The following ZFAT variants were observed in gnomAD, a reference collection of about 807,000 sequenced individuals.
ZFAT encodes zinc finger protein ZFAT.
A neutral mutation model predicts 117.7 loss-of-function variants in ZFAT; 64 were observed. That is an observed-to-expected ratio of 0.54 (90% confidence interval 0.44 to 0.67). The LOEUF is 0.67. Ranked by LOEUF, ZFAT falls within the 30% of genes least tolerant of loss-of-function variation. The pLI is 0.00. For missense variants in ZFAT, 1,433 were observed against 1,584.5 expected (o/e 0.90, Z 1.62); for synonymous variants, 679 against 615.0 (o/e 1.10, Z -1.54).
chr8:134,824,935 T>C, the ZFAT span, among the ~76,000 whole-genome samples: 2 of 152,236 alleles, frequency 1.3e-5, no homozygotes, highest in Admixed American at 6.5e-5. Flanking sequence ...AGGCATAGAA[T>C]GTAACTGGCA....
At chr8:134,727,771 G>T in the ZFAT span, among the ~76,000 whole-genome samples, 276 of 152,176 alleles carry the variant, frequency 1.8e-3, 1 homozygote, top group African/African-American at 6.2e-3. Context: ...ACTCCACTCT[G>T]CCCCATGAAA....
intron 3 of ZFAT, among the ~76,000 whole-genome samples, chr8:134,615,176 G>C (rs549805567): frequency 6.6e-6 from 1 of 152,062 alleles, no homozygotes; most frequent in Non-Finnish European, 1.5e-5. Flanking sequence ...CTCTGGCAGC[G>C]GCTAAGGTGG....
intron 11 of ZFAT, among the ~76,000 whole-genome samples, chr8:134,561,785 T>C (rs1402376202): frequency 1.3e-5 from 2 of 152,196 alleles, no homozygotes; most frequent in African/African-American, 2.4e-5. Flanking sequence ...ACTTGATTTC[T>C]TAGTAATGTT....
intron 1 of ZFAT, among the ~76,000 whole-genome samples, chr8:134,682,414 G>A (rs560695980): frequency 1.3e-5 from 2 of 152,342 alleles, no homozygotes; most frequent in African/African-American, 4.8e-5. Flanking sequence ...CCAGCACTTT[G>A]GGAGGCTGAG....
the ZFAT span, among the ~76,000 whole-genome samples, chr8:134,788,182 C>T: frequency 7.2e-5 from 11 of 152,042 alleles, no homozygotes; most frequent in Non-Finnish European, 1.2e-4. Flanking sequence ...TTTATTATTT[C>T]GTTGCTCTTC....
chr8:134,604,019 T>C (rs1330347733), intron 5 of ZFAT, among the ~76,000 whole-genome samples: 1 of 152,228 alleles, frequency 6.6e-6, no homozygotes, highest in Non-Finnish European at 1.5e-5. Context: ...CACCTGCCAA[T>C]GTGTTTCAGA....
At chr8:134,816,482 G>GAAA in the ZFAT span, among the ~76,000 whole-genome samples, 11 of 130,494 alleles carry the variant, frequency 8.4e-5, no homozygotes, top group South Asian at 2.4e-4. Context: ...CCAGTAAAAA[G>GAAA]AAAAAAAAAA....
the ZFAT span, among the ~76,000 whole-genome samples, chr8:134,825,204 C>T: frequency 6.6e-6 from 1 of 152,238 alleles, no homozygotes; most frequent in African/African-American, 2.4e-5. Context: ...CTACTCCTGA[C>T]TCTTCACAGT....
At chr8:134,721,966 A>T in the ZFAT span, among the ~76,000 whole-genome samples, 1 of 152,224 alleles carries the variant, frequency 6.6e-6, no homozygotes, top group South Asian at 2.1e-4. Context: ...GGACTTCATT[A>T]TGAAAAAGGG....
At chr8:134,809,669 G>A in the ZFAT span, among the ~76,000 whole-genome samples, 1 of 152,180 alleles carries the variant, frequency 6.6e-6, no homozygotes, top group East Asian at 1.9e-4. Context: ...TAAAATCCTA[G>A]GATGCATGAA....
In ZFAT at chr8:134,637,660, C is replaced by G; in HGVS notation, c.249G>C (p.Lys83Asn). The G allele has an allele frequency of 6.2e-7, 1 of 1,614,204 alleles. No homozygotes were observed. The highest frequency in any genetic ancestry group is 8.5e-7 in the Non-Finnish European group (1 of 1,180,052). Residue 83 changes from lysine (K) to asparagine (N), a missense_variant, in exon 3 of 16, where the codon AAG (lysine) becomes AAC (asparagine). Coordinates refer to ENST00000377838, the MANE Select transcript of ZFAT (RefSeq NM_020863.4). Reference sequence around the variant, plus strand: ...CTGCCAGCTCCTCTTCTGTGCTGGACTTCTTCGTGGACCCCTTAGGCCTGC... The same window carrying G: ...CTGCCAGCTCCTCTTCTGTGCTGGAGTTCTTCGTGGACCCCTTAGGCCTGC... ...KRGRPKGSTK[K>N]SSTEEELAEN... is the part of the protein sequence containing the mutation.
intron 15 of ZFAT, among the ~76,000 whole-genome samples, chr8:134,491,746 C>T (rs931465015): frequency 6.1e-4 from 93 of 152,342 alleles, no homozygotes; most frequent in African/African-American, 2.1e-3. Context: ...TGTGATCACA[C>T]TGAGCCCATG....
chr8:134,664,458 C>T (rs2131233371), intron 1 of ZFAT, among the ~76,000 whole-genome samples: 1 of 152,330 alleles, frequency 6.6e-6, no homozygotes, highest in East Asian at 1.9e-4. Context: ...CTCTATGCTG[C>T]TCCTACCATT....
At chr8:134,556,991 T>C (rs944489374) in intron 11 of ZFAT, among the ~76,000 whole-genome samples, 2 of 151,996 alleles carry the variant, frequency 1.3e-5, no homozygotes, top group Non-Finnish European at 2.9e-5. Context: ...TAAAATATTT[T>C]ATAAATATTT....
At chr8:134,789,941 C>T in the ZFAT span, among the ~76,000 whole-genome samples, 159 of 152,268 alleles carry the variant, frequency 1.0e-3, no homozygotes, top group East Asian at 3.5e-3. Context: ...TTGCTACCAT[C>T]CTGATAGAAC....
intron 2 of ZFAT, among the ~76,000 whole-genome samples, chr8:134,650,987 A>G (rs998659831): frequency 6.6e-6 from 1 of 152,262 alleles, no homozygotes; most frequent in East Asian, 1.9e-4. Flanking sequence ...ATACCAGTTC[A>G]CATTCACTGG....
chr8:134,777,635 C>A, the ZFAT span, among the ~76,000 whole-genome samples: 1 of 152,140 alleles, frequency 6.6e-6, no homozygotes, highest in Admixed American at 6.5e-5. Flanking sequence ...CTGTTCTCTG[C>A]CTCATATAGG....
chr8:134,663,503 G>T (rs551531841), intron 1 of ZFAT, among the ~76,000 whole-genome samples: 3 of 152,210 alleles, frequency 2.0e-5, no homozygotes, highest in African/African-American at 7.2e-5. Context: ...CTTCGGGAGG[G>T]CAAGGTGGGT....
intron 1 of ZFAT, among the ~76,000 whole-genome samples, chr8:134,709,661 G>T (rs1265637383): frequency 6.6e-6 from 1 of 152,194 alleles, no homozygotes; most frequent in Admixed American, 6.5e-5. Context: ...TATCTACAAA[G>T]GGAAATGCAA....
Sources: gnomAD v4.1 joint callset for allele counts (sites outside exome capture counted in the v4.1 genomes callset) on GRCh38, gnomAD v4.1.1 for gene constraint, MANE v1.5 for transcripts, NCBI Gene and HGNC (gene_info 2026-07-23, HGNC 2026-07-21) for gene names.